Variants in TAFA1 observed in about 807,000 individuals in gnomAD.
TAFA1 encodes the protein chemokine-like protein TAFA-1.
Under a neutral mutation model 18.5 loss-of-function variants are expected in TAFA1, and 4 were observed. That is an observed-to-expected ratio of 0.22 (90% CI 0.11 to 0.49). The LOEUF is 0.49. Among genes scored for constraint, TAFA1 ranks in the 20% least tolerant of loss-of-function variants. TAFA1 has a pLI of 0.98. For missense variants in TAFA1, 147 were observed against 169.0 expected (o/e 0.87, Z 0.72); for synonymous variants, 56 against 55.2 (o/e 1.01, Z -0.06).
chr3:68,347,212 A>G (rs538093275), intron 2 of TAFA1, among the ~76,000 whole-genome samples: 14 of 152,144 alleles, frequency 9.2e-5, no homozygotes, highest in African/African-American at 3.1e-4. Context: ...TCTTTAACAT[A>G]CTCCGCAAAT....
chr3:68,122,039 A>G (rs753552345), intron 2 of TAFA1, among the ~76,000 whole-genome samples: 4 of 152,140 alleles, frequency 2.6e-5, no homozygotes, highest in African/African-American at 9.7e-5. Context: ...TTACGTTCAC[A>G]GCTATCTCAT....
rs114648594 is a variant in TAFA1, at chr3:68,521,366, G to T, written c.260-17390G>T. Among the ~76,000 whole-genome samples the T allele has an allele frequency of 9.9e-3, 1,513 of 152,298 alleles. 11 individuals carry two copies. The highest frequency in any genetic ancestry group is 0.016 in the Non-Finnish European group (1,057 of 68,018). ...AGTGGGAAGTATCAAGGGAGAAGGA[G>T]TTGGGAATGGCTTTTCTGTAGCCAA... On this transcript the variant is annotated intron_variant, in intron 3 of 4. Transcript: ENST00000478136.
intron 3 of TAFA1, among the ~76,000 whole-genome samples, chr3:68,501,704 T>C (rs1175576422): frequency 1.3e-5 from 2 of 152,084 alleles, no homozygotes; most frequent in African/African-American, 4.8e-5. Flanking sequence ...AAACTGCAGG[T>C]TATAATTAGG....
At chr3:68,478,002 G>A (rs1466033431) in intron 3 of TAFA1, among the ~76,000 whole-genome samples, 1 of 152,164 alleles carries the variant, frequency 6.6e-6, no homozygotes, top group East Asian at 1.9e-4. Context: ...TTTGGAGCCT[G>A]TGCTTTGTCC....
At chr3:68,335,744 G>T (rs1324370539) in intron 2 of TAFA1, among the ~76,000 whole-genome samples, 1 of 152,160 alleles carries the variant, frequency 6.6e-6, no homozygotes, top group Non-Finnish European at 1.5e-5. Flanking sequence ...ATAAATAATG[G>T]ATGATAGCAA....
At chr3:68,054,788 CATTT>C (rs1434057311) in intron 2 of TAFA1, among the ~76,000 whole-genome samples, 4 of 152,178 alleles carry the variant, frequency 2.6e-5, no homozygotes, top group Non-Finnish European at 4.4e-5. Flanking sequence ...ATTATTCATT[CATTT>C]GTTTATTCAT....
chr3:68,513,901 C>G (rs762475108), intron 3 of TAFA1, among the ~76,000 whole-genome samples: 19 of 152,088 alleles, frequency 1.2e-4, no homozygotes, highest in Non-Finnish European at 2.5e-4. Context: ...CTTAGTTTTT[C>G]CAGGGTACCA....
Position 68,376,057 on chromosome 3 carries a change from A to G in TAFA1, c.119-41223A>G, listed in dbSNP as rs540152651. Among the ~76,000 whole-genome samples the G allele has an allele frequency of 5.9e-5, 9 of 152,286 alleles. No individual in the cohort carries two copies. In the East Asian group the frequency reaches 1.2e-3, roughly 20 times the overall value. On this transcript the variant is annotated intron_variant, in intron 2 of 4. Coordinates refer to ENST00000478136, the MANE Select transcript of TAFA1 (RefSeq NM_213609.4). ...TTTATCTATTGTTTGTCTTTGCACT[A>G]GTATTTGTTGTATCAGCCCATCTCC...
chr3:68,063,223 C>G (rs1226995689), intron 2 of TAFA1, among the ~76,000 whole-genome samples: 1 of 152,064 alleles, frequency 6.6e-6, no homozygotes, highest in African/African-American at 2.4e-5. Context: ...ATTTGAAATC[C>G]CATATGTAAA....
At chr3:68,292,103 A>G (rs2068119097) in intron 2 of TAFA1, among the ~76,000 whole-genome samples, 1 of 152,142 alleles carries the variant, frequency 6.6e-6, no homozygotes, top group South Asian at 2.1e-4. Flanking sequence ...CTAGACATCA[A>G]TTATGCTTTT....
intron 2 of TAFA1, among the ~76,000 whole-genome samples, chr3:68,332,411 T>G (rs1348084883): frequency 3.3e-5 from 5 of 152,078 alleles, no homozygotes; most frequent in Admixed American, 6.5e-5. Flanking sequence ...AAATAAATAA[T>G]TAGATTACAT....
At chr3:68,389,941 C>G (rs1395612291) in intron 2 of TAFA1, among the ~76,000 whole-genome samples, 1 of 152,138 alleles carries the variant, frequency 6.6e-6, no homozygotes, top group East Asian at 1.9e-4. Context: ...GCCATATGGG[C>G]AGACACTGAG....
chr3:68,509,714 T>G (rs2072817566), intron 3 of TAFA1, among the ~76,000 whole-genome samples: 1 of 152,106 alleles, frequency 6.6e-6, no homozygotes, highest in African/African-American at 2.4e-5. Context: ...GGTAATGTAT[T>G]AGTTTGATCC....
intron 2 of TAFA1, among the ~76,000 whole-genome samples, chr3:68,266,539 C>G (rs1479332854): frequency 1.3e-5 from 2 of 152,104 alleles, no homozygotes; most frequent in African/African-American, 4.8e-5. Flanking sequence ...TTATACCTTT[C>G]TGGAAGATAC....
chr3:68,262,526 A>G (rs1299862640), intron 2 of TAFA1, among the ~76,000 whole-genome samples: 5 of 151,670 alleles, frequency 3.3e-5, no homozygotes, highest in African/African-American at 7.3e-5. Context: ...AAGTGAGAAC[A>G]TGCATTATTT....
intron 2 of TAFA1, among the ~76,000 whole-genome samples, chr3:68,118,081 T>G (rs2065345122): frequency 6.6e-6 from 1 of 152,170 alleles, no homozygotes; most frequent in African/African-American, 2.4e-5. Flanking sequence ...CGCATTACAT[T>G]TATTGTGCAC....
chr3:68,101,965 T>C (rs1031402641), intron 2 of TAFA1, among the ~76,000 whole-genome samples: 2 of 152,190 alleles, frequency 1.3e-5, no homozygotes, highest in Non-Finnish European at 1.5e-5. Flanking sequence ...GAATGCTAAG[T>C]AGGTCTAGAT....
chr3:68,531,016 C>CAACAA (rs59861876), intron 3 of TAFA1, among the ~76,000 whole-genome samples: 47,904 of 147,390 alleles, frequency 0.33, 7,981 homozygotes, highest in South Asian at 0.44. Context: ...TTAACAACAA[C>CAACAA]AACAAAACAA....
intron 2 of TAFA1, among the ~76,000 whole-genome samples, chr3:68,127,872 T>G (rs1340148974): frequency 1.5e-4 from 15 of 100,776 alleles, no homozygotes; most frequent in South Asian, 3.0e-4. Context: ...TGGTGATGAT[T>G]ATGGTGGTGG....
Sources: gnomAD v4.1 joint callset for allele counts (sites outside exome capture counted in the v4.1 genomes callset) on GRCh38, gnomAD v4.1.1 for gene constraint, MANE v1.5 for transcripts, NCBI Gene and HGNC (gene_info 2026-07-23, HGNC 2026-07-21) for gene names.